The following BLTP1 variants were observed in gnomAD, a reference collection of about 807,000 sequenced individuals.
BLTP1 encodes fragile site-associated protein.
chr4:122,356,821 T>C, the BLTP1 span: 12 of 1,564,110 alleles, frequency 7.7e-6, no homozygotes, highest in East Asian at 2.2e-5. Context: ...TTTACATGAA[T>C]TGTTATGGTC....
chr4:122,247,097 T>C, the BLTP1 span: 1 of 1,518,142 alleles, frequency 6.6e-7, no homozygotes. Flanking sequence ...TTTAGGTAAA[T>C]GTTTTCTCTG....
the BLTP1 span, chr4:122,250,075 C>G: frequency 2.5e-6 from 2 of 785,040 alleles, no homozygotes; most frequent in Non-Finnish European, 3.1e-6. Context: ...ATTATATTTG[C>G]TTTTTTATAT....
At chr4:122,319,413 A>T in the BLTP1 span, among the ~76,000 whole-genome samples, 2 of 146,350 alleles carry the variant, frequency 1.4e-5, no homozygotes, top group African/African-American at 2.5e-5. Context: ...GTGTGTTTTG[A>T]TTTTCTTTTA....
chr4:122,245,545 A>G, the BLTP1 span, among the ~76,000 whole-genome samples: 3 of 152,048 alleles, frequency 2.0e-5, no homozygotes, highest in Non-Finnish European at 2.9e-5. Flanking sequence ...TTCCTCGTTC[A>G]CTTCAGTGAA....
At chr4:122,211,098 A>G in the BLTP1 span, 2 of 1,606,012 alleles carry the variant, frequency 1.2e-6, no homozygotes, top group South Asian at 1.1e-5. Flanking sequence ...GTATAAAGGT[A>G]TGATTCTTAA....
At chr4:122,178,085 C>T in the BLTP1 span, 2 of 877,984 alleles carry the variant, frequency 2.3e-6, no homozygotes, top group Non-Finnish European at 2.7e-6. Flanking sequence ...CTAAGTAAAA[C>T]AAAACATTGA....
At chr4:122,219,552 T>C in the BLTP1 span, 1 of 1,613,600 alleles carries the variant, frequency 6.2e-7, no homozygotes, top group South Asian at 1.1e-5. Context: ...ACAAAGTTCA[T>C]GGGCGTCTTC....
the BLTP1 span, among the ~76,000 whole-genome samples, chr4:122,338,338 T>C: frequency 5.3e-5 from 8 of 151,816 alleles, no homozygotes; most frequent in African/African-American, 1.7e-4. Context: ...CGAGGCGTGA[T>C]TGTATGTATC....
chr4:122,210,257 C>A, the BLTP1 span: 1 of 156,944 alleles, frequency 6.4e-6, no homozygotes, highest in East Asian at 1.9e-4. Flanking sequence ...AAGCTAGAAG[C>A]AGCAGAGCCT....
At chr4:122,180,612 T>G in the BLTP1 span, among the ~76,000 whole-genome samples, 1 of 152,212 alleles carries the variant, frequency 6.6e-6, no homozygotes, top group African/African-American at 2.4e-5. Flanking sequence ...AAATGCATTT[T>G]GTAGAACTGC....
At chr4:122,255,292 C>T in the BLTP1 span, 1 of 1,564,888 alleles carries the variant, frequency 6.4e-7, no homozygotes, top group Non-Finnish European at 8.8e-7. Context: ...TGGTAAGTTA[C>T]TGAAACTACA....
the BLTP1 span, among the ~76,000 whole-genome samples, chr4:122,360,763 G>T: frequency 6.6e-6 from 1 of 152,026 alleles, no homozygotes; most frequent in Non-Finnish European, 1.5e-5. Context: ...TACTGCAGAG[G>T]TCCTAATGCA....
chr4:122,227,774 C>G, the BLTP1 span: 1 of 151,954 alleles, frequency 6.6e-6, no homozygotes, highest in Non-Finnish European at 1.5e-5. Context: ...ATTATAAACA[C>G]ATTTCCAGGC....
the BLTP1 span, chr4:122,274,587 A>G: frequency 7.4e-7 from 1 of 1,344,290 alleles, no homozygotes; most frequent in African/African-American, 1.5e-5. Context: ...ACCAAATAAA[A>G]TATTTTAGAA....
chr4:122,173,507 T>C, the BLTP1 span, among the ~76,000 whole-genome samples: 1 of 152,196 alleles, frequency 6.6e-6, no homozygotes, highest in African/African-American at 2.4e-5. Context: ...TCAAATACTG[T>C]AGTCAGATTT....
chr4:122,245,893 G>A, the BLTP1 span, among the ~76,000 whole-genome samples: 1 of 152,084 alleles, frequency 6.6e-6, no homozygotes, highest in Non-Finnish European at 1.5e-5. Context: ...AAAAATGCCT[G>A]TAATTACTGT....
the BLTP1 span, chr4:122,301,506 G>C: frequency 3.6e-6 from 2 of 560,330 alleles, no homozygotes; most frequent in Non-Finnish European, 6.0e-6. Flanking sequence ...AAATAAAAAT[G>C]ATCTATAACT....
the BLTP1 span, chr4:122,262,951 C>T: frequency 6.2e-7 from 1 of 1,613,864 alleles, no homozygotes; most frequent in Non-Finnish European, 8.5e-7. Flanking sequence ...AGAAGCAGTG[C>T]TGCTGTGAAA....
At chr4:122,204,706 A>G in the BLTP1 span, 2 of 527,738 alleles carry the variant, frequency 3.8e-6, no homozygotes, top group African/African-American at 2.1e-5. Context: ...AATGATGAAT[A>G]TATTGTAGAG....
Sources: gnomAD v4.1 joint callset for allele counts (sites outside exome capture counted in the v4.1 genomes callset) on GRCh38, gnomAD v4.1.1 for gene constraint, MANE v1.5 for transcripts, NCBI Gene and HGNC (gene_info 2026-07-23, HGNC 2026-07-21) for gene names.